Variants in TNRC6B observed in about 807,000 individuals in gnomAD.
The protein encoded by TNRC6B is trinucleotide repeat containing adaptor 6B.
A neutral mutation model predicts 203.6 loss-of-function variants in TNRC6B; 52 were observed. The ratio of observed to expected loss-of-function variants is 0.26; its 90% confidence interval spans 0.20 to 0.32. The LOEUF is 0.32. TNRC6B is among the 10% of genes least tolerant of loss of function. The probability of loss-of-function intolerance (pLI) is 1.00; values close to 1 mark genes in which losing one functional copy is unlikely to be tolerated. For missense variants in TNRC6B, 1,923 were observed against 2,286.2 expected, an observed-to-expected ratio of 0.84 and a Z score of 3.24; for synonymous variants, 838 against 845.7, an observed-to-expected ratio of 0.99 and a Z score of 0.16.
chr22:40,230,626 T>G (rs1437142846), intron 1 of TNRC6B, among the ~76,000 whole-genome samples: 1 of 152,158 alleles, frequency 6.6e-6, no homozygotes, highest in Non-Finnish European at 1.5e-5. Flanking sequence ...GTTCTTTATA[T>G]ACTGTGTATA....
chr22:40,140,577 G>A (rs1358726830), intron 3 of TNRC6B, among the ~76,000 whole-genome samples: 1 of 152,208 alleles, frequency 6.6e-6, no homozygotes, highest in African/African-American at 2.4e-5. Flanking sequence ...TTCTAAGAAA[G>A]ATATTAAGAG....
chr22:40,155,495 G>C (rs1354101943), intron 3 of TNRC6B, among the ~76,000 whole-genome samples: 1 of 152,068 alleles, frequency 6.6e-6, no homozygotes, highest in Non-Finnish European at 1.5e-5. Context: ...CACCATGTTG[G>C]CCAGGATGGT....
intron 1 of TNRC6B, among the ~76,000 whole-genome samples, chr22:40,089,513 G>A (rs1569256507): frequency 6.6e-6 from 1 of 152,076 alleles, no homozygotes; most frequent in Non-Finnish European, 1.5e-5. Flanking sequence ...GATTACAGGC[G>A]TGAGCCACTG....
intron 12 of TNRC6B, among the ~76,000 whole-genome samples, chr22:40,287,520 C>G (rs1434007717): frequency 6.6e-6 from 1 of 152,170 alleles, no homozygotes; most frequent in African/African-American, 2.4e-5. Flanking sequence ...GACTGTGTCC[C>G]CTTGGCACCT....
chr22:40,276,996 A>G (rs2070653363), intron 7 of TNRC6B, 81 bp from the exon 8 acceptor site: 3 of 1,063,602 alleles, frequency 2.8e-6, no homozygotes, highest in Admixed American at 3.2e-5. Context: ...ACTCAAGTCT[A>G]CATTTTCAGT....
chr22:40,292,177 G>A (rs977961183), intron 12 of TNRC6B, among the ~76,000 whole-genome samples: 1 of 150,030 alleles, frequency 6.7e-6, no homozygotes, highest in African/African-American at 2.4e-5. Flanking sequence ...TTGGGCGACA[G>A]AGCAAGACTC....
intron 3 of TNRC6B, among the ~76,000 whole-genome samples, chr22:40,131,040 TTG>T (rs1242511494): frequency 2.0e-5 from 3 of 151,586 alleles, no homozygotes; most frequent in South Asian, 2.1e-4. Flanking sequence ...TAGCTGGGAC[TTG>T]ACAGGCGCCT....
rs1248183479 is a variant in TNRC6B at position 40,330,873 on chromosome 22, C to T, written c.*7632C>T. ...AGATTTCATTAGCATCAATATTGCACAGTGTAGAGTTGAGTGGAAGAGATT... is the reference window on the plus strand; with the variant it reads ...AGATTTCATTAGCATCAATATTGCATAGTGTAGAGTTGAGTGGAAGAGATT... On this transcript the variant is annotated 3_prime_UTR_variant, in exon 23 of 23. Coordinates refer to ENST00000454349, the MANE Select transcript of TNRC6B (RefSeq NM_001162501.2). 6.6e-6 allele frequency: 1 copy of T among 152,556 alleles called. No homozygotes were observed. Among genetic ancestry groups the T allele is most frequent in the Non-Finnish European group, 1.5e-5 (1 of 68,044 alleles). The allele number at this position is 152,556 out of a possible 1,614,324, so 9.5% of individuals were successfully genotyped here. A position where few individuals can be genotyped will look rare whatever the true frequency, so the allele number is the denominator to read the frequency against.
At chr22:40,208,751 G>A (rs995221095) in intron 1 of TNRC6B, among the ~76,000 whole-genome samples, 1 of 152,178 alleles carries the variant, frequency 6.6e-6, no homozygotes, top group Non-Finnish European at 1.5e-5. Context: ...TTCTCCAGAA[G>A]TTTTATTATT....
At chr22:40,205,557 GA>G (rs1356694195) in intron 1 of TNRC6B, among the ~76,000 whole-genome samples, 2 of 152,112 alleles carry the variant, frequency 1.3e-5, no homozygotes, top group Non-Finnish European at 2.9e-5. Flanking sequence ...ACTGAATCTT[GA>G]AAATGAGTCA....
Position 40,312,615 on chromosome 22 carries a change from G to C in TNRC6B, c.4546G>C (p.Asp1516His). ...GGGTACAGCCACATCTCCCATTGTAGATACTGACCACCAACTGCTGCGGGA... is the reference window on the plus strand; with the variant it reads ...GGGTACAGCCACATCTCCCATTGTACATACTGACCACCAACTGCTGCGGGA... Reference protein sequence around the residue: ...LGGTATSPIVDTDHQLLRDNT... With the variant: ...LGGTATSPIVHTDHQLLRDNT... Residue 1516 changes from aspartate to histidine, a missense_variant, in exon 18 of 23, where the codon GAT (aspartate) becomes CAT (histidine). Transcript: ENST00000454349. The C allele has an allele frequency of 6.2e-7, 1 of 1,613,426 alleles. No homozygotes were observed. The highest frequency in any genetic ancestry group is 8.5e-7 in the Non-Finnish European group (1 of 1,179,784).
At chr22:40,158,494 T>G (rs928762566) in intron 4 of TNRC6B, among the ~76,000 whole-genome samples, 1 of 152,208 alleles carries the variant, frequency 6.6e-6, no homozygotes, top group African/African-American at 2.4e-5. Context: ...CAAACCAGTC[T>G]TTATCTTTAA....
intron 10 of TNRC6B, among the ~76,000 whole-genome samples, chr22:40,280,442 C>T (rs567439081): frequency 6.6e-5 from 10 of 152,330 alleles, no homozygotes; most frequent in Non-Finnish European, 1.2e-4. Context: ...CGCTGCTGTG[C>T]AGCTACAAAA....
intron 1 of TNRC6B, among the ~76,000 whole-genome samples, chr22:40,101,169 T>G (rs2068237757): frequency 6.6e-6 from 1 of 152,072 alleles, no homozygotes; most frequent in African/African-American, 2.4e-5. Context: ...ATTTTTTGTA[T>G]CTTTAGTAGA....
At chr22:40,140,850 A>G (rs917565936) in intron 3 of TNRC6B, among the ~76,000 whole-genome samples, 1 of 152,154 alleles carries the variant, frequency 6.6e-6, no homozygotes, top group African/African-American at 2.4e-5. Flanking sequence ...CATATTGGCC[A>G]GGCTGGTCTC....
In TNRC6B at chr22:40,321,098, G is replaced by A; in HGVS notation, c.4983G>A (p.Gly1661=). The change falls in exon 22 of 23, where the codon GGG becomes GGA. Residue 1661 remains glycine (G), a synonymous_variant. Coordinates refer to ENST00000454349, the MANE Select transcript of TNRC6B (RefSeq NM_001162501.2). The part of the protein sequence containing the change: ...VLHNLTPQID[G]STLRTICMQH... Reference sequence around the variant, plus strand: ...ATGTCATTACTCCTTAGATTGATGGGTCAACCTTGAGAACGATCTGCATGC... The same window carrying A: ...ATGTCATTACTCCTTAGATTGATGGATCAACCTTGAGAACGATCTGCATGC... The A allele has an allele frequency of 6.2e-7, 1 of 1,613,886 alleles. No individual in the cohort carries two copies. The highest frequency in any genetic ancestry group is 2.2e-5 in the East Asian group (1 of 44,892).
chr22:40,285,510 T>A, intron 11 of TNRC6B, 135 bp from the exon 12 acceptor site: 1 of 1,026,534 alleles, frequency 9.7e-7, no homozygotes, highest in Non-Finnish European at 1.4e-6. Context: ...ATAAGGAACT[T>A]CTCAGTTACA....
At chr22:40,302,975 C>T (rs1427073347) in intron 15 of TNRC6B, among the ~76,000 whole-genome samples, 2 of 151,492 alleles carry the variant, frequency 1.3e-5, no homozygotes, top group African/African-American at 4.8e-5. Flanking sequence ...CCAAACATGG[C>T]GGGGCCTCCC....
chr22:40,140,871 C>T (rs1407063178), intron 3 of TNRC6B, among the ~76,000 whole-genome samples: 1 of 152,054 alleles, frequency 6.6e-6, no homozygotes, highest in Non-Finnish European at 1.5e-5. Flanking sequence ...AAACTCCTGA[C>T]CTCAAGCAAT....
Sources: gnomAD v4.1 joint callset for allele counts (sites outside exome capture counted in the v4.1 genomes callset) on GRCh38, gnomAD v4.1.1 for gene constraint, MANE v1.5 for transcripts, NCBI Gene and HGNC (gene_info 2026-07-23, HGNC 2026-07-21) for gene names.